Variants in PALLD observed in about 807,000 individuals in gnomAD.
PALLD encodes palladin.
A neutral mutation model predicts 123.5 loss-of-function variants in PALLD; 61 were observed. The observed-to-expected ratio is 0.49, with a 90% confidence interval of 0.40 to 0.61. The LOEUF (loss-of-function observed/expected upper bound fraction) is 0.61. Among genes scored for constraint, PALLD ranks in the 20% least tolerant of loss-of-function variants. The pLI is 0.00. For missense variants in PALLD, 1,273 were observed against 1,377.0 expected (o/e 0.92, Z 1.20); for synonymous variants, 465 against 496.4 (o/e 0.94, Z 0.84).
At chr4:168,916,693 T>TTG (rs1312528899) in intron 17 of PALLD, among the ~76,000 whole-genome samples, 12 of 150,792 alleles carry the variant, frequency 8.0e-5, no homozygotes, top group Non-Finnish European at 1.5e-4. Flanking sequence ...TCTTTTTTTT[T>TTG]TTTTTTGAGA....
At chr4:168,847,414 T>TA (rs1268391001) in intron 10 of PALLD, among the ~76,000 whole-genome samples, 2 of 152,220 alleles carry the variant, frequency 1.3e-5, no homozygotes, top group African/African-American at 4.8e-5. Flanking sequence ...ATACCCATGA[T>TA]ACATCGTTGA....
At chr4:168,585,610 C>A (rs573999143) in intron 2 of PALLD, among the ~76,000 whole-genome samples, 2 of 152,228 alleles carry the variant, frequency 1.3e-5, no homozygotes, top group African/African-American at 4.8e-5. Flanking sequence ...CAGTCCCCAG[C>A]GCAGGCACTG....
At chr4:168,625,510 T>TATATATATATATATATATATAGATAG (rs1775169660) in intron 2 of PALLD, among the ~76,000 whole-genome samples, 2 of 65,098 alleles carry the variant, frequency 3.1e-5, no homozygotes, top group Non-Finnish European at 4.1e-5. Flanking sequence ...GAGATATATA[T>TATATATATATATATATATATAGATAG]ATATATATCC....
At chr4:168,833,659 A>G (rs940092775) in intron 10 of PALLD, among the ~76,000 whole-genome samples, 8 of 151,832 alleles carry the variant, frequency 5.3e-5, no homozygotes, top group African/African-American at 1.5e-4. Flanking sequence ...CCCACTACCT[A>G]AGGAAAAGAT....
intron 10 of PALLD, among the ~76,000 whole-genome samples, chr4:168,727,348 A>G (rs186259644): frequency 6.6e-6 from 1 of 152,292 alleles, no homozygotes; most frequent in East Asian, 1.9e-4. Context: ...TACCAACAGT[A>G]TGTAAGCATT....
chr4:168,677,709 T>A (rs1381473896), intron 3 of PALLD, among the ~76,000 whole-genome samples: 1 of 152,122 alleles, frequency 6.6e-6, no homozygotes, highest in African/African-American at 2.4e-5. Context: ...TTCACTGGCT[T>A]TTCCTCAGGG....
chr4:168,670,380 A>G (rs1780069478), intron 3 of PALLD, among the ~76,000 whole-genome samples: 1 of 152,228 alleles, frequency 6.6e-6, no homozygotes, highest in Non-Finnish European at 1.5e-5. Context: ...TGGTTAAGAG[A>G]CAATTCCTGA....
intron 10 of PALLD, among the ~76,000 whole-genome samples, chr4:168,779,484 CATAT>C (rs933832432): frequency 1.1e-4 from 16 of 150,804 alleles, no homozygotes; most frequent in African/African-American, 3.9e-4. Flanking sequence ...ATGTGAACAT[CATAT>C]ATATATAAAA....
intron 2 of PALLD, among the ~76,000 whole-genome samples, chr4:168,616,870 A>C (rs1774269181): frequency 6.6e-6 from 1 of 152,160 alleles, no homozygotes; most frequent in Non-Finnish European, 1.5e-5. Flanking sequence ...TGTTTACCCC[A>C]AGACCAGCTT....
At chr4:168,613,821 G>A (rs1391750573) in intron 2 of PALLD, among the ~76,000 whole-genome samples, 1 of 151,984 alleles carries the variant, frequency 6.6e-6, no homozygotes. Flanking sequence ...CTAATTCACG[G>A]GTGTATATCC....
chr4:168,917,813 A>T (rs960337645), intron 17 of PALLD, among the ~76,000 whole-genome samples: 2 of 152,154 alleles, frequency 1.3e-5, no homozygotes, highest in Non-Finnish European at 2.9e-5. Flanking sequence ...TATATATATG[A>T]GTGTGTATTC....
chr4:168,572,244 T>G lies in PALLD; in HGVS notation c.908+59832T>G, dbSNP rs187692028. ...TTATAGCCGTCAGTTTGTGGTATCATTTTTCAGCACTCAGTGTGGTCCAGG... is the reference window on the plus strand; with the variant it reads ...TTATAGCCGTCAGTTTGTGGTATCAGTTTTCAGCACTCAGTGTGGTCCAGG... On this transcript the variant is annotated intron_variant, in intron 2 of 21. Coordinates refer to ENST00000505667, the MANE Select transcript of PALLD (RefSeq NM_001166108.2). Among the ~76,000 whole-genome samples, 6 of 152,210 alleles carry G rather than the reference T, an allele frequency of 3.9e-5. No individual in the cohort carries two copies. The East Asian group carries it at 1.2e-3, about 29-fold the overall frequency.
At chr4:168,826,612 T>A (rs1344598144) in intron 10 of PALLD, among the ~76,000 whole-genome samples, 1 of 152,220 alleles carries the variant, frequency 6.6e-6, no homozygotes, top group Non-Finnish European at 1.5e-5. Context: ...TCAGATTATT[T>A]TTTTTACTCT....
intron 2 of PALLD, among the ~76,000 whole-genome samples, chr4:168,557,675 G>A (rs900581989): frequency 2.0e-5 from 3 of 152,062 alleles, no homozygotes; most frequent in African/African-American, 4.8e-5. Context: ...CCACTGTTAC[G>A]TAAGGTGCCC....
chr4:168,646,391 G>A (rs1331394508), intron 2 of PALLD, among the ~76,000 whole-genome samples: 1 of 152,186 alleles, frequency 6.6e-6, no homozygotes. Flanking sequence ...GTCCCAGACT[G>A]GGCCAAGCTC....
chr4:168,904,324 T>C (rs1582045681), intron 15 of PALLD: 1 of 180,984 alleles, frequency 5.5e-6, no homozygotes, highest in East Asian at 1.2e-4. Context: ...CAAAGTAAAA[T>C]ATTTTAAAAG....
intron 2 of PALLD, among the ~76,000 whole-genome samples, chr4:168,518,778 T>A (rs1466254701): frequency 6.6e-6 from 1 of 152,248 alleles, no homozygotes; most frequent in Non-Finnish European, 1.5e-5. Context: ...ATTTTTGTAG[T>A]TGTCTTTCTT....
intron 10 of PALLD, among the ~76,000 whole-genome samples, chr4:168,730,530 T>C (rs1420535637): frequency 6.6e-6 from 1 of 152,156 alleles, no homozygotes; most frequent in Non-Finnish European, 1.5e-5. Context: ...AATTTCATGT[T>C]CGAGGCTTTC....
At chr4:168,583,252 G>T (rs1305592135) in intron 2 of PALLD, among the ~76,000 whole-genome samples, 2 of 152,170 alleles carry the variant, frequency 1.3e-5, no homozygotes, top group African/African-American at 4.8e-5. Context: ...ACAATATTTT[G>T]CTATGTGTAT....
Sources: gnomAD v4.1 joint callset for allele counts (sites outside exome capture counted in the v4.1 genomes callset) on GRCh38, gnomAD v4.1.1 for gene constraint, MANE v1.5 for transcripts, NCBI Gene and HGNC (gene_info 2026-07-23, HGNC 2026-07-21) for gene names.